LIX1: variants seen among roughly 807,000 people sequenced by gnomAD.
LIX1 encodes the protein limb and CNS expressed 1.
LIX1 carries 24 observed loss-of-function variants against 33.4 expected under a neutral mutation model. The observed-to-expected ratio is 0.72, with a 90% CI of 0.52 to 1.01. The LOEUF is 1.01. LIX1 is among the 50% of genes least tolerant of loss of function. The probability of loss-of-function intolerance (pLI) is 0.00; values close to 1 mark genes in which losing one functional copy is unlikely to be tolerated. For synonymous variants in LIX1, 124 were observed against 124.0 expected, an observed-to-expected ratio of 1.00 and a Z score of 0.00; for missense variants, 311 against 339.2, an observed-to-expected ratio of 0.92 and a Z score of 0.65.
At chr5:97,100,939 G>A (rs897671088) in intron 4 of LIX1, among the ~76,000 whole-genome samples, 4 of 150,440 alleles carry the variant, frequency 2.7e-5, no homozygotes, top group African/African-American at 9.7e-5. Flanking sequence ...TTTAAATAAA[G>A]GAAATTAGTG....
chr5:97,135,063 C>T (rs926708625), intron 1 of LIX1, among the ~76,000 whole-genome samples: 1 of 152,136 alleles, frequency 6.6e-6, no homozygotes, highest in Admixed American at 6.6e-5. Flanking sequence ...CTCCTTACCC[C>T]AAACATATTC....
intron 2 of LIX1, among the ~76,000 whole-genome samples, chr5:97,123,874 C>A (rs969628638): frequency 6.6e-6 from 1 of 152,136 alleles, no homozygotes; most frequent in African/African-American, 2.4e-5. Flanking sequence ...CAACTGAATG[C>A]CTCAGTTCAC....
intron 1 of LIX1, among the ~76,000 whole-genome samples, chr5:97,125,340 C>A (rs1034731614): frequency 6.6e-6 from 1 of 152,190 alleles, no homozygotes; most frequent in Admixed American, 6.5e-5. Flanking sequence ...GTTTGTTTAT[C>A]CTGTACTGCA....
intron 1 of LIX1, among the ~76,000 whole-genome samples, chr5:97,138,432 C>T (rs1748213807): frequency 6.6e-6 from 1 of 152,184 alleles, no homozygotes; most frequent in Non-Finnish European, 1.5e-5. Context: ...CTGCAGTGTT[C>T]CCTAACTTAG....
intron 3 of LIX1, among the ~76,000 whole-genome samples, chr5:97,106,638 C>T (rs1747046479): frequency 1.3e-5 from 2 of 152,098 alleles, no homozygotes; most frequent in African/African-American, 4.8e-5. Context: ...TCTTTCTTGG[C>T]TTATAGTTTG....
intron 2 of LIX1, among the ~76,000 whole-genome samples, chr5:97,114,235 A>C (rs1747561558): frequency 6.6e-6 from 1 of 152,212 alleles, no homozygotes; most frequent in East Asian, 1.9e-4. Context: ...ATGGTAGCTC[A>C]TATCTGTAAA....
chr5:97,097,630 G>A (rs1746459200), intron 4 of LIX1, among the ~76,000 whole-genome samples: 1 of 152,138 alleles, frequency 6.6e-6, no homozygotes, highest in East Asian at 1.9e-4. Context: ...TGAATCATGT[G>A]ACTATGTTAT....
intron 2 of LIX1, among the ~76,000 whole-genome samples, chr5:97,112,218 A>G (rs1335400006): frequency 6.6e-6 from 1 of 152,230 alleles, no homozygotes; most frequent in African/African-American, 2.4e-5. Flanking sequence ...TACTGGGGGA[A>G]GAAATTTAGC....
At chr5:97,134,654 G>A (rs1031592639) in intron 1 of LIX1, among the ~76,000 whole-genome samples, 12 of 152,246 alleles carry the variant, frequency 7.9e-5, no homozygotes, top group African/African-American at 2.9e-4. Flanking sequence ...CTCAAGGTGT[G>A]ACGCTGATTT....
intron 3 of LIX1, among the ~76,000 whole-genome samples, chr5:97,105,948 G>A (rs549085178): frequency 6.6e-6 from 1 of 152,268 alleles, no homozygotes; most frequent in South Asian, 2.1e-4. Context: ...GCGGATTCCC[G>A]GGAAGGTGGG....
At chr5:97,107,555 C>G in intron 2 of LIX1, 55 bp from the exon 3 acceptor site, 1 of 1,575,472 alleles carries the variant, frequency 6.3e-7, no homozygotes, top group Non-Finnish European at 8.7e-7. Context: ...TTCACCATTC[C>G]ACTCCTGCAT....
chr5:97,094,526 G>A lies in LIX1; in HGVS notation c.*222C>T, dbSNP rs1208190797. On this transcript the variant is annotated 3_prime_UTR_variant, in exon 6 of 6. Coordinates refer to ENST00000274382, the MANE Select transcript of LIX1 (RefSeq NM_153234.5). Reference sequence around the variant, plus strand: ...TTTTGTGTCTATCCTTTCATCCTGAGCTGGAACTATTGAGAATGTGATAGA... The same window carrying A: ...TTTTGTGTCTATCCTTTCATCCTGAACTGGAACTATTGAGAATGTGATAGA... 3.7e-6 allele frequency: 2 copies of A among 534,750 alleles called. No individual in the cohort carries two copies. The highest frequency in any genetic ancestry group is 2.9e-5 in the East Asian group (1 of 33,938). 33.1% of individuals were successfully genotyped at this position (534,750 alleles called of 1,614,324 possible). A position where few individuals can be genotyped will look rare whatever the true frequency, so the allele number is the denominator to read the frequency against.
intron 1 of LIX1, among the ~76,000 whole-genome samples, chr5:97,130,293 AG>A (rs1748027511): frequency 6.6e-6 from 1 of 152,248 alleles, no homozygotes; most frequent in South Asian, 2.1e-4. Context: ...CTTCCACCTC[AG>A]GGTCAGGAAG....
rs539825878 is a variant in LIX1, at chr5:97,130,578, T to G, written c.83-5949A>C. Among the ~76,000 whole-genome samples the G allele has an allele frequency of 6.6e-5, 10 of 152,336 alleles. 1 individual carries two copies. In the South Asian group the frequency reaches 2.1e-3, roughly 32 times the overall value. On this transcript the variant is annotated intron_variant, in intron 1 of 5. Coordinates refer to ENST00000274382, the MANE Select transcript of LIX1 (RefSeq NM_153234.5). Reference sequence around the variant, plus strand: ...CTGAGCAACACTTCTGGTTCTGCCTTTAACTTTCACAAATCATCTTTTGGG... The same window carrying G: ...CTGAGCAACACTTCTGGTTCTGCCTGTAACTTTCACAAATCATCTTTTGGG...
At chr5:97,131,869 G>T (rs1416017834) in intron 1 of LIX1, among the ~76,000 whole-genome samples, 2 of 152,232 alleles carry the variant, frequency 1.3e-5, no homozygotes, top group Non-Finnish European at 2.9e-5. Context: ...AACAACATGG[G>T]TGTATTGGTG....
At chr5:97,095,067 A>G (rs1196984623) in intron 5 of LIX1, 32 bp from the exon 6 acceptor site, 2 of 1,599,490 alleles carry the variant, frequency 1.3e-6, no homozygotes, top group Admixed American at 3.4e-5. Context: ...CCAGGGTGTC[A>G]ATAAAAAGCA....
chr5:97,109,742 CT>C (rs1580222308), intron 2 of LIX1, among the ~76,000 whole-genome samples: 8 of 151,926 alleles, frequency 5.3e-5, no homozygotes, highest in Admixed American at 3.3e-4. Context: ...CCTCACCCCC[CT>C]CCCAATCTTC....
intron 1 of LIX1, among the ~76,000 whole-genome samples, chr5:97,142,175 T>C (rs1439172308): frequency 1.3e-5 from 2 of 152,224 alleles, no homozygotes; most frequent in Non-Finnish European, 2.9e-5. Context: ...ATTTTTAGGT[T>C]TAATCTCAAC....
intron 2 of LIX1, among the ~76,000 whole-genome samples, chr5:97,112,474 A>G (rs1747451846): frequency 6.6e-6 from 1 of 152,202 alleles, no homozygotes; most frequent in African/African-American, 2.4e-5. Flanking sequence ...TATACAGTTC[A>G]TTCTTGCTAT....
Sources: gnomAD v4.1 joint callset for allele counts (sites outside exome capture counted in the v4.1 genomes callset) on GRCh38, gnomAD v4.1.1 for gene constraint, MANE v1.5 for transcripts, NCBI Gene and HGNC (gene_info 2026-07-23, HGNC 2026-07-21) for gene names.